HMGCLL1: variants seen among roughly 807,000 people sequenced by gnomAD.
HMGCLL1 encodes the protein 3-hydroxy-3-methylglutaryl-CoA lyase like 1, also known as 3-hydroxymethyl-3-methylglutaryl-CoA lyase, cytoplasmic.
Under a neutral mutation model 39.1 loss-of-function variants are expected in HMGCLL1, and 36 were observed. The ratio of observed to expected loss-of-function variants is 0.92; its 90% confidence interval spans 0.71 to 1.22. The LOEUF (loss-of-function observed/expected upper bound fraction) is 1.22, where lower values mean the gene tolerates loss of function less well. Ranked by LOEUF, HMGCLL1 falls within the 50% of genes most tolerant of loss-of-function variation. HMGCLL1 has a pLI of 0.00. For synonymous variants in HMGCLL1, 149 were observed against 144.0 expected (o/e 1.03, Z -0.25); for missense variants, 451 against 416.5 (o/e 1.08, Z -0.72).
intron 7 of HMGCLL1, among the ~76,000 whole-genome samples, chr6:55,475,786 G>A (rs1024904367): frequency 1.8e-4 from 28 of 151,542 alleles, no homozygotes; most frequent in African/African-American, 6.5e-4. Flanking sequence ...TGTGTATCAA[G>A]ATTAAGATTT....
chr6:55,506,033 T>A (rs1024086175), intron 5 of HMGCLL1, among the ~76,000 whole-genome samples: 39 of 151,522 alleles, frequency 2.6e-4, no homozygotes, highest in African/African-American at 9.0e-4. Flanking sequence ...ACAAATAGAG[T>A]AAACTGCTGA....
chr6:55,563,447 A>G (rs1169397319), intron 1 of HMGCLL1, among the ~76,000 whole-genome samples: 1 of 152,102 alleles, frequency 6.6e-6, no homozygotes, highest in Non-Finnish European at 1.5e-5. Context: ...TGGAAATTCT[A>G]TGTTTTATTG....
At chr6:55,576,063 G>C (rs1225938580) in intron 1 of HMGCLL1, among the ~76,000 whole-genome samples, 4 of 152,140 alleles carry the variant, frequency 2.6e-5, no homozygotes, top group African/African-American at 7.2e-5. Flanking sequence ...GTGGTGAATT[G>C]CTTCCTTAGT....
chr6:55,514,224 T>C, intron 4 of HMGCLL1, 28 bp from the exon 5 acceptor site: 1 of 1,556,138 alleles, frequency 6.4e-7, no homozygotes, highest in Non-Finnish European at 8.7e-7. Context: ...TAAAGCCAAA[T>C]CTAATAACTT....
intron 7 of HMGCLL1, among the ~76,000 whole-genome samples, chr6:55,473,169 AAATAG>A (rs975625785): frequency 4.1e-4 from 62 of 151,562 alleles, no homozygotes; most frequent in African/African-American, 1.4e-3. Flanking sequence ...TGTAGATAAC[AAATAG>A]TTGGGTCTTG....
At chr6:55,539,914 GA>G (rs574721426) in intron 3 of HMGCLL1, among the ~76,000 whole-genome samples, 46 of 128,914 alleles carry the variant, frequency 3.6e-4, no homozygotes, top group Non-Finnish European at 6.3e-4. Context: ...AAGAAAGAAA[GA>G]AAGAAAAGGA....
intron 3 of HMGCLL1, among the ~76,000 whole-genome samples, chr6:55,529,432 G>A (rs1768510472): frequency 2.0e-5 from 3 of 152,132 alleles, no homozygotes; most frequent in East Asian, 1.9e-4. Flanking sequence ...GTAGGCCTGG[G>A]TTGTTGGAAG....
chr6:55,510,812 T>C (rs1767420195), intron 5 of HMGCLL1, among the ~76,000 whole-genome samples: 1 of 149,976 alleles, frequency 6.7e-6, no homozygotes, highest in Admixed American at 6.7e-5. Context: ...AATATATATA[T>C]ATATACAAAC....
the HMGCLL1 span, among the ~76,000 whole-genome samples, chr6:55,602,984 T>C: frequency 9.1e-4 from 139 of 152,214 alleles, 1 homozygote; most frequent in Non-Finnish European, 1.6e-3. Context: ...ATTTGGTTTT[T>C]TAACGAGTTC....
intron 3 of HMGCLL1, among the ~76,000 whole-genome samples, chr6:55,533,829 T>G (rs2127450493): frequency 7.5e-6 from 1 of 133,698 alleles, no homozygotes. Flanking sequence ...GAGCTTGCAG[T>G]GAGCCGAGAT....
chr6:55,478,817 C>G (rs1765587068), intron 7 of HMGCLL1, among the ~76,000 whole-genome samples: 2 of 151,098 alleles, frequency 1.3e-5, no homozygotes, highest in South Asian at 2.1e-4. Flanking sequence ...GCTGTTCTCA[C>G]ATAGTATTGT....
At chr6:55,652,048 C>T in the HMGCLL1 span, among the ~76,000 whole-genome samples, 3 of 152,114 alleles carry the variant, frequency 2.0e-5, no homozygotes, top group Admixed American at 6.6e-5. Flanking sequence ...GTTAAAACCA[C>T]GTACTGTGAT....
chr6:55,513,381 A>G (rs1012817009), intron 5 of HMGCLL1: 1 of 152,188 alleles, frequency 6.6e-6, no homozygotes, highest in African/African-American at 2.4e-5. Flanking sequence ...AAAGGGATTG[A>G]TATCTCTGAT....
chr6:55,505,183 T>C (rs1274959506), intron 5 of HMGCLL1, among the ~76,000 whole-genome samples: 3 of 151,656 alleles, frequency 2.0e-5, no homozygotes, highest in Non-Finnish European at 4.4e-5. Context: ...AAAAAGAATC[T>C]ACAGTTAGGC....
intron 3 of HMGCLL1, among the ~76,000 whole-genome samples, chr6:55,528,425 C>A (rs1768441574): frequency 6.6e-6 from 1 of 152,066 alleles, no homozygotes; most frequent in Non-Finnish European, 1.5e-5. Flanking sequence ...CTCTTCCTGA[C>A]AACCCTGGGT....
At chr6:55,513,984 A>G (rs1581881937) in intron 5 of HMGCLL1, 64 bp downstream of exon 5, 2 of 1,377,928 alleles carry the variant, frequency 1.5e-6, no homozygotes, top group Non-Finnish European at 2.0e-6. Flanking sequence ...ATCTCTAGAT[A>G]ATTTTTGAGT....
chr6:55,563,602 CTGAT>C (rs1771069631), intron 1 of HMGCLL1, among the ~76,000 whole-genome samples: 2 of 152,200 alleles, frequency 1.3e-5, no homozygotes, highest in East Asian at 3.9e-4. Context: ...TCTGTCCCTG[CTGAT>C]TAATAGTAAA....
At chr6:55,477,152 ATT>A (rs1491151000) in intron 7 of HMGCLL1, among the ~76,000 whole-genome samples, 3 of 59,722 alleles carry the variant, frequency 5.0e-5, no homozygotes, top group African/African-American at 2.0e-4. Context: ...TAATATATAT[ATT>A]ATATATTATA....
upstream of HMGCLL1, among the ~76,000 whole-genome samples, chr6:55,584,017 C>T (rs547247057): frequency 1.2e-4 from 18 of 152,228 alleles, no homozygotes; most frequent in African/African-American, 4.3e-4. Flanking sequence ...GCCCAGTTAA[C>T]TACCATACTT....
Sources: allele counts gnomAD v4.1 joint callset (sites outside exome capture counted in the v4.1 genomes callset), GRCh38; gene constraint gnomAD v4.1.1; transcripts MANE v1.5; gene names NCBI Gene and HGNC (gene_info 2026-07-23, HGNC 2026-07-21).